Variants in SOX5 observed in about 807,000 individuals in gnomAD.
The protein encoded by SOX5 is transcription factor SOX-5.
In SOX5, 9 loss-of-function variants were observed where a neutral mutation model predicts 92.0. That is an observed-to-expected ratio of 0.10 (90% CI 0.06 to 0.17). The LOEUF is 0.17. Among genes scored for constraint, SOX5 ranks in the 10% least tolerant of loss-of-function variants. SOX5 has a pLI of 1.00. For synonymous variants in SOX5, 344 were observed against 336.3 expected (o/e 1.02, Z -0.25); for missense variants, 642 against 944.5 (o/e 0.68, Z 4.20).
At chr12:24,017,282 G>A (rs1261531912) in intron 4 of SOX5, among the ~76,000 whole-genome samples, 1 of 152,050 alleles carries the variant, frequency 6.6e-6, no homozygotes, top group Non-Finnish European at 1.5e-5. Context: ...TCTAACCTGG[G>A]GTAGCTGAAC....
chr12:23,941,129 A>T (rs2139540322), intron 1 of SOX5, among the ~76,000 whole-genome samples: 1 of 151,706 alleles, frequency 6.6e-6, no homozygotes, highest in East Asian at 1.9e-4. Context: ...TCAAGAGATC[A>T]ACTGCCCTAT....
intron 9 of SOX5, among the ~76,000 whole-genome samples, chr12:23,599,534 G>C (rs1301127278): frequency 6.6e-6 from 1 of 152,198 alleles, no homozygotes; most frequent in Non-Finnish European, 1.5e-5. Context: ...CTTGTCATCA[G>C]CTTTTTAAAC....
At chr12:24,098,724 C>G (rs1481747122) in intron 4 of SOX5, among the ~76,000 whole-genome samples, 4 of 152,292 alleles carry the variant, frequency 2.6e-5, no homozygotes, top group African/African-American at 2.4e-5. Flanking sequence ...TCCAGACTCT[C>G]TCTCTTCCAT....
At chr12:24,032,907 C>T (rs1163127317) in intron 4 of SOX5, among the ~76,000 whole-genome samples, 1 of 151,868 alleles carries the variant, frequency 6.6e-6, no homozygotes, top group Non-Finnish European at 1.5e-5. Flanking sequence ...ATATATTTCA[C>T]ACTTTGTAAC....
chr12:24,368,549 A>G (rs1956392485), intron 2 of SOX5: 1 of 152,200 alleles, frequency 6.6e-6, no homozygotes, highest in East Asian at 1.9e-4. Context: ...TAACAGAATA[A>G]ACATTGTACA....
intron 6 of SOX5, among the ~76,000 whole-genome samples, chr12:23,665,796 T>C (rs560615817): frequency 3.9e-5 from 6 of 152,276 alleles, no homozygotes; most frequent in African/African-American, 1.4e-4. Context: ...ACACGACGAA[T>C]AGTTTCCCGA....
intron 14 of SOX5, 45 bp downstream of exon 14, chr12:23,536,408 A>AACAGGAAGT (rs761527957): frequency 5.5e-5 from 79 of 1,429,478 alleles, no homozygotes; most frequent in Non-Finnish European, 7.5e-5. Flanking sequence ...CATTAAGTAT[A>AACAGGAAGT]ACAGGAAGTT....
At chr12:23,836,767 C>T (rs142199694) in intron 3 of SOX5, among the ~76,000 whole-genome samples, 68 of 152,012 alleles carry the variant, frequency 4.5e-4, no homozygotes, top group African/African-American at 1.6e-3. Flanking sequence ...TCACAACCTG[C>T]TGTTCATTTT....
chr12:24,243,348 G>GT (rs1937875961), intron 3 of SOX5, among the ~76,000 whole-genome samples: 1 of 152,114 alleles, frequency 6.6e-6, no homozygotes, highest in South Asian at 2.1e-4. Context: ...TTTAAAGTGT[G>GT]TTTTTCTGTA....
intron 1 of SOX5, among the ~76,000 whole-genome samples, chr12:24,476,662 T>C (rs530452322): frequency 9.2e-5 from 14 of 152,006 alleles, no homozygotes; most frequent in South Asian, 2.1e-4. Context: ...TCTTCCAAGT[T>C]ACCACACTGC....
At chr12:23,887,917 A>ATGCGTGTG (rs2097087767) in intron 2 of SOX5, among the ~76,000 whole-genome samples, 1 of 144,664 alleles carries the variant, frequency 6.9e-6, no homozygotes, top group Non-Finnish European at 1.5e-5. Context: ...CAGTGTGTAT[A>ATGCGTGTG]TGTGTGTGTG....
chr12:24,420,267 A>C (rs1046068843), intron 1 of SOX5, among the ~76,000 whole-genome samples: 18 of 152,222 alleles, frequency 1.2e-4, no homozygotes, highest in Non-Finnish European at 2.4e-4. Context: ...TAGTAACCAG[A>C]AAACAGCGCT....
At chr12:24,371,988 T>TA (rs946592470) in intron 1 of SOX5, among the ~76,000 whole-genome samples, 4,023 of 144,084 alleles carry the variant, frequency 0.028, 75 homozygotes, top group Non-Finnish European at 0.039. Context: ...ACTCTGCCTT[T>TA]AAAAAAAAAA....
chr12:24,429,378 G>C (rs1937809973), intron 1 of SOX5, among the ~76,000 whole-genome samples: 1 of 151,854 alleles, frequency 6.6e-6, no homozygotes, highest in South Asian at 2.1e-4. Context: ...TGTTGGAATA[G>C]TATGAAATGC....
At chr12:24,050,841 CTTCTTATTATTATTAT>C (rs1219286042) in intron 4 of SOX5, among the ~76,000 whole-genome samples, 10 of 151,938 alleles carry the variant, frequency 6.6e-5, no homozygotes, top group South Asian at 6.2e-4. Flanking sequence ...CATTCTTCTT[CTTCTTATTATTATTAT>C]TATTTGGAGA....
intron 4 of SOX5, among the ~76,000 whole-genome samples, chr12:23,983,997 T>C (rs1949835582): frequency 1.3e-5 from 2 of 152,296 alleles, no homozygotes; most frequent in South Asian, 4.1e-4. Context: ...CCATGATTTC[T>C]ACATTATTTT....
Position 24,056,974 on chromosome 12 carries a change from C to CAAAAAAAAAAAAA in SOX5, c.-2+156356_-2+156368dup, listed in dbSNP as rs60085412. Among the ~76,000 whole-genome samples the CAAAAAAAAAAAAA allele has an allele frequency of 1.1e-3, 41 of 36,880 alleles. 2 individuals carry two copies. The highest frequency in any genetic ancestry group is 2.4e-3 in the African/African-American group (26 of 10,894). The allele number at this position is 36,880 out of a possible 152,430, so 24.2% of individuals were successfully genotyped here. A position where few individuals can be genotyped will look rare whatever the true frequency, so the allele number is the denominator to read the frequency against. On this transcript the variant is annotated intron_variant, in intron 4 of 4. Coordinates refer to the SOX5 transcript ENST00000446891. Reference sequence around the variant, plus strand: ...TGGGCGACAGAGCGAGACTCCGTCTCAAAAAAAAAAAAAAAAAAATTCAAC... The same window carrying CAAAAAAAAAAAAA: ...TGGGCGACAGAGCGAGACTCCGTCTCAAAAAAAAAAAAAAAAAAAAAAAAAAAAAAAATTCAAC...
Position 23,852,081 on chromosome 12 carries a change from A to T in SOX5, c.271-5888T>A, listed in dbSNP as rs117548691. On this transcript the variant is annotated intron_variant, in intron 2 of 14. Transcript: ENST00000451604. ...TATTCAATATTTTCATATGATTGAA[A>T]TTCTCTGAAAATTAGTATTTTGAAT... Among the ~76,000 whole-genome samples, 1,179 of 152,276 alleles carry T rather than the reference A, an allele frequency of 7.7e-3. 8 individuals are homozygous for T. The highest frequency in any genetic ancestry group is 0.017 in the Middle Eastern group (5 of 294).
intron 1 of SOX5, among the ~76,000 whole-genome samples, chr12:24,398,074 T>C (rs1200609405): frequency 6.6e-6 from 1 of 152,030 alleles, no homozygotes; most frequent in Non-Finnish European, 1.5e-5. Context: ...ATGGTCTCTA[T>C]CTCCTGACCT....
Sources: allele counts gnomAD v4.1 joint callset (sites outside exome capture counted in the v4.1 genomes callset), GRCh38; gene constraint gnomAD v4.1.1; transcripts MANE v1.5; gene names NCBI Gene and HGNC (gene_info 2026-07-23, HGNC 2026-07-21).